Variants in PDZK1 observed in about 807,000 individuals in gnomAD.
PDZK1 encodes the protein Na(+)/H(+) exchange regulatory cofactor NHE-RF3.
In PDZK1, 23 loss-of-function variants were observed where a neutral mutation model predicts 38.1. The observed-to-expected ratio is 0.60, with a 90% CI of 0.43 to 0.85. The LOEUF is 0.85. Ranked by LOEUF, PDZK1 falls within the 40% of genes least tolerant of loss-of-function variation. PDZK1 has a pLI of 0.00. For missense variants in PDZK1, 297 were observed against 504.3 expected (o/e 0.59, Z 3.94); for synonymous variants, 98 against 186.2 (o/e 0.53, Z 3.86).
intron 1 of PDZK1, among the ~76,000 whole-genome samples, chr1:145,692,773 G>A (rs1421689194): frequency 6.6e-6 from 1 of 151,732 alleles, no homozygotes; most frequent in African/African-American, 2.4e-5. Context: ...AGTGGCTCAC[G>A]CCTGTAATTC....
At chr1:145,707,039 G>A (rs1383246962) in intron 1 of PDZK1, among the ~76,000 whole-genome samples, 3 of 151,944 alleles carry the variant, frequency 2.0e-5, no homozygotes, top group Non-Finnish European at 4.4e-5. Context: ...ACACAACCCC[G>A]GGAAGGCTTT....
chr1:145,691,994 T>C (rs1404115580), intron 1 of PDZK1, among the ~76,000 whole-genome samples: 1 of 151,982 alleles, frequency 6.6e-6, no homozygotes, highest in Non-Finnish European at 1.5e-5. Flanking sequence ...ATTTTATTGA[T>C]GAAAAAGCTA....
intron 1 of PDZK1, among the ~76,000 whole-genome samples, chr1:145,700,609 C>A (rs1005919175): frequency 6.6e-6 from 1 of 152,184 alleles, no homozygotes; most frequent in Non-Finnish European, 1.5e-5. Context: ...AAACAGCATT[C>A]TGCTTGGAGG....
intron 1 of PDZK1, among the ~76,000 whole-genome samples, chr1:145,693,096 A>C (rs1559075263): frequency 6.6e-6 from 1 of 152,190 alleles, no homozygotes; most frequent in Non-Finnish European, 1.5e-5. Flanking sequence ...CTTCTGAAGA[A>C]GGAAAATAAA....
At chr1:145,696,157 T>C (rs1655616726) in intron 1 of PDZK1, among the ~76,000 whole-genome samples, 1 of 152,196 alleles carries the variant, frequency 6.6e-6, no homozygotes, top group South Asian at 2.1e-4. Flanking sequence ...CACAGCTCAA[T>C]TCGAACACAA....
intron 5 of PDZK1, among the ~76,000 whole-genome samples, chr1:145,679,003 C>T (rs587696441): frequency 7.9e-5 from 12 of 151,360 alleles, no homozygotes; most frequent in African/African-American, 2.4e-4. Flanking sequence ...TATGTAAAAG[C>T]TGTCATAAAA....
At position 145,679,768 on chromosome 1, in the gene PDZK1, T is replaced by G. The variant is rs1342554821; in HGVS notation, c.794-1123A>C. 1.4e-4 allele frequency among the ~76,000 whole-genome samples: 22 copies of G among 152,366 alleles called. 1 individual carries two copies. Among genetic ancestry groups the G allele is most frequent in the African/African-American group, 4.8e-4 (20 of 41,584 alleles). The stretch of plus-strand genomic sequence containing the variant: ...CCCCAAGACATTATAGGCTGGTTTT[T>G]GTTCTTCTCCCTTATACTGCTCAAA... On this transcript the variant is annotated intron_variant, in intron 5 of 8. Coordinates refer to ENST00000417171, the MANE Select transcript of PDZK1 (RefSeq NM_001201325.2).
At chr1:145,694,228 C>T (rs1177156605) in intron 1 of PDZK1, among the ~76,000 whole-genome samples, 5 of 152,326 alleles carry the variant, frequency 3.3e-5, no homozygotes, top group Admixed American at 3.3e-4. Flanking sequence ...TCCTCCAAAC[C>T]TATGGGCAGA....
intron 4 of PDZK1, among the ~76,000 whole-genome samples, chr1:145,681,985 C>T (rs1654302959): frequency 1.1e-5 from 1 of 89,482 alleles, no homozygotes; most frequent in Non-Finnish European, 2.2e-5. Context: ...GCCTGGCCAA[C>T]ATAGTGAGAC....
At chr1:145,702,992 A>G (rs1362466525) in intron 1 of PDZK1, among the ~76,000 whole-genome samples, 1 of 152,182 alleles carries the variant, frequency 6.6e-6, no homozygotes, top group African/African-American at 2.4e-5. Flanking sequence ...CAATTGGTCT[A>G]TGCATGGTCA....
At chr1:145,675,044 T>C (rs1553699038) in intron 6 of PDZK1, among the ~76,000 whole-genome samples, 1 of 152,110 alleles carries the variant, frequency 6.6e-6, no homozygotes, top group Non-Finnish European at 1.5e-5. Flanking sequence ...TCTGTGCTTA[T>C]TTATTTTGCT....
Position 145,692,076 on chromosome 1 carries a change from CG to C in PDZK1, c.-2-4054del, listed in dbSNP as rs748112027. On this transcript the variant is annotated intron_variant, in intron 1 of 8. Transcript: ENST00000417171. ...CTGCCAGGAAAGAGAATAATGTGGC[CG>C]TGGTCAAGAAGAAACATTAAATACC... is the stretch of plus-strand genomic sequence containing the variant. Among the ~76,000 whole-genome samples, 245 of 151,904 alleles carry C rather than the reference CG, an allele frequency of 1.6e-3. 3 individuals carry two copies. The highest frequency in any genetic ancestry group is 2.6e-3 in the Non-Finnish European group (178 of 67,982).
At chr1:145,688,416 G>T (rs782488369) in intron 1 of PDZK1, among the ~76,000 whole-genome samples, 2 of 152,142 alleles carry the variant, frequency 1.3e-5, no homozygotes, top group Non-Finnish European at 2.9e-5. Flanking sequence ...AGGAATCGAG[G>T]TTAAATCTGT....
At chr1:145,694,958 A>G (rs1213662795) in intron 1 of PDZK1, among the ~76,000 whole-genome samples, 4 of 151,690 alleles carry the variant, frequency 2.6e-5, no homozygotes, top group Non-Finnish European at 2.9e-5. Flanking sequence ...TGAGCAGAGT[A>G]TAAGTGAGGT....
intron 6 of PDZK1, chr1:145,674,323 G>A (rs1243151862): frequency 1.1e-6 from 1 of 942,962 alleles, no homozygotes; most frequent in Admixed American, 6.2e-5. Context: ...GGTCTTCAGA[G>A]CTCCTTAAAC....
chr1:145,707,036 C>G (rs1656281617), intron 1 of PDZK1, among the ~76,000 whole-genome samples: 1 of 151,966 alleles, frequency 6.6e-6, no homozygotes, highest in Admixed American at 6.6e-5. Context: ...CCCACACAAC[C>G]CCGGGAAGGC....
intron 6 of PDZK1, among the ~76,000 whole-genome samples, chr1:145,677,584 G>A (rs1258319271): frequency 2.0e-5 from 3 of 151,394 alleles, no homozygotes; most frequent in Non-Finnish European, 4.4e-5. Flanking sequence ...TTGAAAAAAT[G>A]TGCTGGGGAG....
chr1:145,693,431 C>T (rs1011183560), intron 1 of PDZK1, among the ~76,000 whole-genome samples: 3 of 152,094 alleles, frequency 2.0e-5, no homozygotes, highest in African/African-American at 2.4e-5. Flanking sequence ...AGGTCTAAAG[C>T]AGACCTAAAG....
rs587612035 is a variant in PDZK1 at position 145,683,458 on chromosome 1, C to T, written c.461-822G>A. Among the ~76,000 whole-genome samples, 16 of 152,310 alleles carry T rather than the reference C, an allele frequency of 1.1e-4. No homozygotes were observed. In the South Asian group the frequency reaches 3.3e-3, roughly 32 times the overall value. Reference sequence around the variant, plus strand: ...CAGTTTGTACTATTATATTAGCCATCGTATGCTGTGGAGTCATCTCACCAA... The same window carrying T: ...CAGTTTGTACTATTATATTAGCCATTGTATGCTGTGGAGTCATCTCACCAA... On this transcript the variant is annotated intron_variant, in intron 3 of 8. Transcript: ENST00000417171.
Sources: gnomAD v4.1 joint callset for allele counts (sites outside exome capture counted in the v4.1 genomes callset) on GRCh38, gnomAD v4.1.1 for gene constraint, MANE v1.5 for transcripts, NCBI Gene and HGNC (gene_info 2026-07-23, HGNC 2026-07-21) for gene names.